The following GALNT13 variants were observed in gnomAD, a reference collection of about 807,000 sequenced individuals.
The protein encoded by GALNT13 is UDP-GalNAc:polypeptide N-acetylgalactosaminyltransferase 13.
Under a neutral mutation model 64.2 loss-of-function variants are expected in GALNT13, and 28 were observed. That is an observed-to-expected ratio of 0.44 (90% CI 0.32 to 0.60). The LOEUF (loss-of-function observed/expected upper bound fraction) is 0.60, where lower values mean the gene tolerates loss of function less well. GALNT13 is among the 20% of genes least tolerant of loss of function. The pLI, the probability that GALNT13 is intolerant of heterozygous loss-of-function variation, is 0.05. For missense variants in GALNT13, 577 were observed against 669.8 expected (o/e 0.86, Z 1.53); for synonymous variants, 214 against 224.6 (o/e 0.95, Z 0.42).
chr2:153,506,782 T>C, the GALNT13 span, among the ~76,000 whole-genome samples: 1 of 152,228 alleles, frequency 6.6e-6, no homozygotes, highest in Non-Finnish European at 1.5e-5. Flanking sequence ...TTCTTTCCTT[T>C]GTCTTGACTT....
chr2:154,206,055 TGG>T (rs1352827632), intron 4 of GALNT13, among the ~76,000 whole-genome samples: 2 of 152,022 alleles, frequency 1.3e-5, no homozygotes, highest in Admixed American at 6.6e-5. Context: ...GGGAGTGCAG[TGG>T]TGCGATCTCG....
the GALNT13 span, among the ~76,000 whole-genome samples, chr2:153,658,876 A>G: frequency 3.3e-5 from 5 of 152,010 alleles, no homozygotes; most frequent in Non-Finnish European, 5.9e-5. Flanking sequence ...TTTAAATACT[A>G]TGCAAGAAAA....
intron 3 of GALNT13, among the ~76,000 whole-genome samples, chr2:154,067,177 A>G (rs1248013023): frequency 6.6e-6 from 1 of 152,046 alleles, no homozygotes; most frequent in Non-Finnish European, 1.5e-5. Flanking sequence ...AAGAAATTAA[A>G]CATACCACCA....
intron 3 of GALNT13, among the ~76,000 whole-genome samples, chr2:154,077,442 G>GATA (rs1267351780): frequency 3.3e-5 from 5 of 151,578 alleles, no homozygotes; most frequent in South Asian, 4.1e-4. Context: ...AGACATGCAA[G>GATA]ATAATAATAA....
chr2:154,134,755 G>A (rs1682851327), intron 3 of GALNT13, among the ~76,000 whole-genome samples: 1 of 152,180 alleles, frequency 6.6e-6, no homozygotes, highest in African/African-American at 2.4e-5. Context: ...AGTCTGGGAG[G>A]CCTAGGTGGA....
the GALNT13 span, among the ~76,000 whole-genome samples, chr2:153,188,589 A>T: frequency 6.6e-6 from 1 of 152,088 alleles, no homozygotes; most frequent in South Asian, 2.1e-4. Flanking sequence ...AACTCCAGGA[A>T]CTTTTTTTCT....
chr2:153,264,575 G>A, the GALNT13 span, among the ~76,000 whole-genome samples: 10 of 152,102 alleles, frequency 6.6e-5, no homozygotes, highest in Admixed American at 6.5e-5. Context: ...AAAGAAATGT[G>A]GTACATATGA....
the GALNT13 span, among the ~76,000 whole-genome samples, chr2:153,579,458 CTGT>C: frequency 2.0e-5 from 3 of 152,110 alleles, no homozygotes; most frequent in South Asian, 2.1e-4. Context: ...AAGGAAAATG[CTGT>C]TGTTCTGATT....
chr2:153,788,266 C>T, the GALNT13 span, among the ~76,000 whole-genome samples: 62,357 of 151,956 alleles, frequency 0.41, 14,763 homozygotes, highest in Middle Eastern at 0.55. Flanking sequence ...CCTGTAAGAC[C>T]GAAGAGATTG....
chr2:153,363,282 A>C, the GALNT13 span, among the ~76,000 whole-genome samples: 1 of 152,136 alleles, frequency 6.6e-6, no homozygotes, highest in Non-Finnish European at 1.5e-5. Context: ...TCAGAAAGCT[A>C]GAAATATCGC....
At chr2:153,867,755 A>G (rs990939922), upstream of GALNT13, among the ~76,000 whole-genome samples, 2 of 151,878 alleles carry the variant, frequency 1.3e-5, no homozygotes, top group African/African-American at 4.8e-5. Context: ...ATCATCAGGC[A>G]TTAGATTCTC....
intron 8 of GALNT13, among the ~76,000 whole-genome samples, chr2:154,267,288 A>G (rs1691065200): frequency 6.6e-6 from 1 of 152,178 alleles, no homozygotes; most frequent in African/African-American, 2.4e-5. Context: ...TATGACACCA[A>G]AAGTATGAGT....
At chr2:153,679,707 C>T in the GALNT13 span, among the ~76,000 whole-genome samples, 1 of 151,888 alleles carries the variant, frequency 6.6e-6, no homozygotes, top group Non-Finnish European at 1.5e-5. Flanking sequence ...AAACTGCCAA[C>T]TATATCACGC....
At chr2:153,834,659 A>G in the GALNT13 span, among the ~76,000 whole-genome samples, 1 of 152,124 alleles carries the variant, frequency 6.6e-6, no homozygotes, top group Non-Finnish European at 1.5e-5. Flanking sequence ...TATGCTCAAA[A>G]CATATCTGAA....
At chr2:154,175,416 A>G (rs1468910637) in intron 4 of GALNT13, among the ~76,000 whole-genome samples, 1 of 152,186 alleles carries the variant, frequency 6.6e-6, no homozygotes, top group Non-Finnish European at 1.5e-5. Context: ...GAGCCTTTCT[A>G]CTGTCTGAAT....
the GALNT13 span, among the ~76,000 whole-genome samples, chr2:153,330,644 C>T: frequency 1.3e-5 from 2 of 151,076 alleles, no homozygotes; most frequent in African/African-American, 2.4e-5. Flanking sequence ...CTTTCTTTAT[C>T]GAAGTTGTTT....
intron 4 of GALNT13, among the ~76,000 whole-genome samples, chr2:154,145,119 T>TATAC (rs1444821982): frequency 0.01 from 1,382 of 136,496 alleles, 33 homozygotes; most frequent in African/African-American, 0.037. Flanking sequence ...TATATATATA[T>TATAC]ACACACACTA....
chr2:153,543,979 C>T, the GALNT13 span, among the ~76,000 whole-genome samples: 9 of 151,210 alleles, frequency 6.0e-5, no homozygotes, highest in South Asian at 1.7e-3. Context: ...CAGCAGTGCT[C>T]CTACCATCCC....
chr2:154,285,258 A>G (rs1330185410), intron 8 of GALNT13, among the ~76,000 whole-genome samples: 1 of 152,026 alleles, frequency 6.6e-6, no homozygotes, highest in Admixed American at 6.6e-5. Context: ...TTTGTTGCCT[A>G]TACTTTTGGA....
Sources: allele counts gnomAD v4.1 joint callset (sites outside exome capture counted in the v4.1 genomes callset), GRCh38; gene constraint gnomAD v4.1.1; transcripts MANE v1.5; gene names NCBI Gene and HGNC (gene_info 2026-07-23, HGNC 2026-07-21).